Variants in CNBD1 observed in about 807,000 individuals in gnomAD.
CNBD1 encodes the protein cyclic nucleotide-binding domain-containing protein 1.
Under a neutral mutation model 54.4 loss-of-function variants are expected in CNBD1, and 71 were observed. The ratio of observed to expected loss-of-function variants is 1.30; its 90% confidence interval spans 1.08 to 1.59. The LOEUF (loss-of-function observed/expected upper bound fraction) is 1.59, where lower values mean the gene tolerates loss of function less well. Ranked by LOEUF, CNBD1 falls within the 40% of genes most tolerant of loss-of-function variation. CNBD1 has a pLI of 0.00. For missense variants in CNBD1, 659 were observed against 518.0 expected (o/e 1.27, Z -2.64); for synonymous variants, 182 against 170.7 (o/e 1.07, Z -0.51).
At chr8:87,161,689 A>G (rs1812861749) in intron 4 of CNBD1, among the ~76,000 whole-genome samples, 1 of 152,124 alleles carries the variant, frequency 6.6e-6, no homozygotes, top group Non-Finnish European at 1.5e-5. Flanking sequence ...TTTTAAACCA[A>G]TTTCTACAGT....
intron 5 of CNBD1, among the ~76,000 whole-genome samples, chr8:87,226,121 T>A (rs1158312327): frequency 6.6e-6 from 1 of 152,226 alleles, no homozygotes; most frequent in Non-Finnish European, 1.5e-5. Context: ...TCTGTTTGAT[T>A]CTTCTCTCTT....
chr8:87,227,771 A>G (rs1814539446), intron 5 of CNBD1, among the ~76,000 whole-genome samples: 1 of 149,638 alleles, frequency 6.7e-6, no homozygotes, highest in Non-Finnish European at 1.5e-5. Flanking sequence ...GTATTTCCTG[A>G]ATCTGAACAT....
At chr8:87,025,042 G>C (rs996140378) in intron 4 of CNBD1, among the ~76,000 whole-genome samples, 1 of 152,166 alleles carries the variant, frequency 6.6e-6, no homozygotes, top group Non-Finnish European at 1.5e-5. Context: ...GAATAAGGAG[G>C]ATTGAGAGGT....
chr8:87,266,732 T>A (rs527687610), intron 6 of CNBD1, among the ~76,000 whole-genome samples: 3 of 152,030 alleles, frequency 2.0e-5, no homozygotes, highest in African/African-American at 7.2e-5. Context: ...GATTACAGGC[T>A]TGAGCTACTG....
At chr8:86,906,213 G>A (rs1449141544) in intron 3 of CNBD1, among the ~76,000 whole-genome samples, 1 of 152,114 alleles carries the variant, frequency 6.6e-6, no homozygotes, top group Non-Finnish European at 1.5e-5. Flanking sequence ...CAAAATTATT[G>A]TAACAAATAT....
chr8:86,949,348 A>C (rs896920173), intron 4 of CNBD1, among the ~76,000 whole-genome samples: 4 of 152,156 alleles, frequency 2.6e-5, no homozygotes, highest in Admixed American at 1.3e-4. Context: ...GGTAGTAAGG[A>C]CATCTTAACA....
chr8:87,120,127 A>G, intron 4 of CNBD1, among the ~76,000 whole-genome samples: 1 of 152,066 alleles, frequency 6.6e-6, no homozygotes, highest in Admixed American at 6.5e-5. Flanking sequence ...CTTTTTGATA[A>G]TTTTAAAATA....
At chr8:86,945,728 C>T (rs1156692888) in intron 4 of CNBD1, among the ~76,000 whole-genome samples, 1 of 152,098 alleles carries the variant, frequency 6.6e-6, no homozygotes, top group Non-Finnish European at 1.5e-5. Context: ...ATATTTCTGA[C>T]ACAAATGGTG....
chr8:86,902,297 T>TG (rs964780247), intron 2 of CNBD1, among the ~76,000 whole-genome samples: 170 of 151,568 alleles, frequency 1.1e-3, no homozygotes, highest in African/African-American at 3.0e-3. Context: ...TTTTGGGAGT[T>TG]GGGGGGGGAG....
chr8:86,907,438 C>T (rs576070313), intron 3 of CNBD1, among the ~76,000 whole-genome samples: 201 of 152,152 alleles, frequency 1.3e-3, no homozygotes, highest in Non-Finnish European at 2.3e-3. Context: ...TAGGCCAAGG[C>T]GGGCAGATCA....
chr8:87,066,800 CAT>C (rs1392387900), intron 4 of CNBD1, among the ~76,000 whole-genome samples: 3 of 151,948 alleles, frequency 2.0e-5, no homozygotes, highest in Middle Eastern at 6.9e-3. Context: ...TGATTAAAGT[CAT>C]ATGGATGTAT....
intron 5 of CNBD1, among the ~76,000 whole-genome samples, chr8:87,224,570 T>C (rs1814432404): frequency 6.6e-6 from 1 of 151,398 alleles, no homozygotes. Context: ...CGGTGTTATT[T>C]CTGAGGGCTC....
intron 2 of CNBD1, among the ~76,000 whole-genome samples, chr8:87,399,435 T>C (rs1481717492): frequency 6.6e-6 from 1 of 152,026 alleles, no homozygotes; most frequent in Non-Finnish European, 1.5e-5. Flanking sequence ...AATCACTTAA[T>C]TGGAGGTAAA....
chr8:87,088,341 G>A lies in CNBD1; in HGVS notation c.432-117652G>A, dbSNP rs191146603. Among the ~76,000 whole-genome samples the A allele has an allele frequency of 2.8e-4, 42 of 152,226 alleles. No individual in the cohort carries two copies. The East Asian group carries it at 7.5e-3, about 27-fold the overall frequency. On this transcript the variant is annotated intron_variant, in intron 4 of 10. Transcript: ENST00000518476. The stretch of plus-strand genomic sequence containing the variant: ...TGCTCTTTCTACAGCAAAACTAAGT[G>A]GTCCTGGTTATATCCTGTGTGATTG...
At chr8:87,425,900 G>A (rs944829818) in intron 2 of CNBD1, among the ~76,000 whole-genome samples, 24 of 152,172 alleles carry the variant, frequency 1.6e-4, no homozygotes, top group African/African-American at 5.3e-4. Context: ...GGGCAATGGC[G>A]GGCGCCCCTC....
At chr8:87,332,095 C>A (rs750556353) in intron 8 of CNBD1, among the ~76,000 whole-genome samples, 13 of 152,092 alleles carry the variant, frequency 8.5e-5, no homozygotes, top group Non-Finnish European at 1.6e-4. Context: ...TACTTGTAAT[C>A]CCAGCACTTT....
At chr8:87,273,926 C>T (rs1318256429) in intron 6 of CNBD1, among the ~76,000 whole-genome samples, 1 of 119,908 alleles carries the variant, frequency 8.3e-6, no homozygotes, top group Non-Finnish European at 1.7e-5. Context: ...TCACCCCTCC[C>T]CCCACCCCAC....
At chr8:86,896,838 A>T (rs1808854778) in intron 2 of CNBD1, among the ~76,000 whole-genome samples, 1 of 152,222 alleles carries the variant, frequency 6.6e-6, no homozygotes, top group African/African-American at 2.4e-5. Context: ...AAGAAGATTG[A>T]TACCTAAAGT....
At chr8:86,941,996 C>T (rs1284041099) in intron 4 of CNBD1, among the ~76,000 whole-genome samples, 1 of 152,090 alleles carries the variant, frequency 6.6e-6, no homozygotes, top group Non-Finnish European at 1.5e-5. Flanking sequence ...TTTGACATGG[C>T]AAAACTCACT....
Sources: allele counts gnomAD v4.1 joint callset (sites outside exome capture counted in the v4.1 genomes callset), GRCh38; gene constraint gnomAD v4.1.1; transcripts MANE v1.5; gene names NCBI Gene and HGNC (gene_info 2026-07-23, HGNC 2026-07-21).